OTOGL: variants seen among roughly 807,000 people sequenced by gnomAD.
OTOGL encodes otogelin like, also known as otogelin-like protein.
OTOGL carries 285 observed loss-of-function variants against 318.5 expected under a neutral mutation model. The observed-to-expected ratio is 0.89, with a 90% CI of 0.81 to 0.99. The LOEUF (loss-of-function observed/expected upper bound fraction) is 0.99. OTOGL is among the 50% of genes least tolerant of loss of function. The probability of loss-of-function intolerance (pLI) is 0.00; values close to 1 mark genes in which losing one functional copy is unlikely to be tolerated. For missense variants in OTOGL, 2,899 were observed against 2,845.6 expected (o/e 1.02, Z -0.43); for synonymous variants, 987 against 936.5 (o/e 1.05, Z -0.99).
intron 11 of OTOGL, among the ~76,000 whole-genome samples, chr12:80,241,992 C>T (rs1355421796): frequency 6.6e-6 from 1 of 152,108 alleles, no homozygotes; most frequent in Non-Finnish European, 1.5e-5. Flanking sequence ...AAGTTTCATG[C>T]ATGCTTCCAC....
At chr12:80,166,075 ATTTTCCT>A (rs1873809947) in intron 1 of OTOGL, among the ~76,000 whole-genome samples, 1 of 151,590 alleles carries the variant, frequency 6.6e-6, no homozygotes, top group African/African-American at 2.4e-5. Context: ...ATTTTCATAC[ATTTTCCT>A]TTTTGTTTGC....
chr12:80,156,457 G>A (rs1873123988), intron 1 of OTOGL, among the ~76,000 whole-genome samples: 1 of 152,080 alleles, frequency 6.6e-6, no homozygotes, highest in Admixed American at 6.6e-5. Context: ...AGAGAACCCT[G>A]ACTAATACAC....
At chr12:80,311,432 T>A (rs1886627850) in intron 30 of OTOGL, among the ~76,000 whole-genome samples, 1 of 152,210 alleles carries the variant, frequency 6.6e-6, no homozygotes, top group South Asian at 2.1e-4. Context: ...TTTCTTTCTT[T>A]CTTTTTATGA....
At chr12:80,275,821 G>A (rs562075386) in intron 24 of OTOGL, among the ~76,000 whole-genome samples, 1 of 151,532 alleles carries the variant, frequency 6.6e-6, no homozygotes, top group East Asian at 1.9e-4. Flanking sequence ...CTCCTTGAAG[G>A]CTCAGATGAT....
At chr12:80,377,725 C>A in intron 58 of OTOGL, 123 bp from the exon 59 acceptor site, 1 of 747,152 alleles carries the variant, frequency 1.3e-6, no homozygotes, top group Non-Finnish European at 2.2e-6. Flanking sequence ...TTGCAACATG[C>A]AGAAGCTTGA....
At chr12:80,284,375 A>G (rs940694624) in intron 26 of OTOGL, among the ~76,000 whole-genome samples, 3 of 152,028 alleles carry the variant, frequency 2.0e-5, no homozygotes, top group Non-Finnish European at 4.4e-5. Flanking sequence ...ATAATTTATA[A>G]ATCTTTGGGT....
intron 1 of OTOGL, among the ~76,000 whole-genome samples, chr12:80,108,941 TATATATATATATAC>T (rs1869662993): frequency 6.9e-6 from 1 of 144,254 alleles, no homozygotes; most frequent in South Asian, 2.1e-4. Flanking sequence ...TGTGTGTATA[TATATATATATATAC>T]ACACACACAT....
chr12:80,220,041 T>A, intron 6 of OTOGL, 129 bp downstream of exon 6: 1 of 693,184 alleles, frequency 1.4e-6, no homozygotes, highest in Non-Finnish European at 2.4e-6. Context: ...TCATTCTCAG[T>A]AATTTGATGT....
chr12:80,222,307 A>G (rs908145111), intron 7 of OTOGL, 62 bp downstream of exon 7: 21 of 1,412,776 alleles, frequency 1.5e-5, no homozygotes, highest in Non-Finnish European at 1.9e-5. Context: ...ATGTATTTTT[A>G]AAGTACTGGG....
chr12:80,303,750 T>C lies in OTOGL; in HGVS notation c.3213+967T>C, dbSNP rs148833098. On this transcript the variant is annotated intron_variant, in intron 28 of 58. Coordinates refer to ENST00000547103, the MANE Select transcript of OTOGL (RefSeq NM_001378609.3). ...CACACTTTTTAACCATCAGGTGTCATGAGAACTCCCTCACTATCACAAGAA... is the reference window on the plus strand; with the variant it reads ...CACACTTTTTAACCATCAGGTGTCACGAGAACTCCCTCACTATCACAAGAA... Among the ~76,000 whole-genome samples, 6 of 152,244 alleles carry C rather than the reference T, an allele frequency of 3.9e-5. No individual in the cohort carries two copies. In the East Asian group the frequency reaches 1.2e-3, roughly 29 times the overall value.
intron 26 of OTOGL, among the ~76,000 whole-genome samples, chr12:80,288,374 T>C (rs1021524571): frequency 1.3e-5 from 2 of 152,086 alleles, no homozygotes; most frequent in Admixed American, 6.5e-5. Context: ...GGATTATGTG[T>C]CTTGGGGTTA....
intron 24 of OTOGL, 100 bp downstream of exon 24, chr12:80,271,910 G>C (rs1883441092): frequency 2.1e-5 from 28 of 1,358,046 alleles, no homozygotes; most frequent in Non-Finnish European, 2.8e-5. Flanking sequence ...TTGTTGTTCT[G>C]ACTAGTGGTT....
chr12:80,126,024 TG>T (rs1207614891), intron 1 of OTOGL, among the ~76,000 whole-genome samples: 1 of 152,186 alleles, frequency 6.6e-6, no homozygotes, highest in Non-Finnish European at 1.5e-5. Context: ...AAGGGTTTTT[TG>T]TGTCCCTATT....
intron 35 of OTOGL, among the ~76,000 whole-genome samples, chr12:80,325,523 A>G (rs938681031): frequency 6.6e-6 from 1 of 152,220 alleles, no homozygotes; most frequent in Non-Finnish European, 1.5e-5. Context: ...ACAGTTTGTA[A>G]GCATTAGTGC....
At chr12:80,176,867 T>G (rs1037598307) in intron 1 of OTOGL, among the ~76,000 whole-genome samples, 82 of 152,198 alleles carry the variant, frequency 5.4e-4, no homozygotes, top group African/African-American at 1.9e-3. Context: ...ATAAGCACTG[T>G]GTGAAAATTC....
rs565636210 is a variant in OTOGL at position 80,147,046 on chromosome 12, C to G, written c.-20+47441C>G. ...ATTTTTTGAAGGGTTTTTTGTGTCTCTATTTCCTTCAGTTCTGCTCTGATT... is the reference window on the plus strand; with the variant it reads ...ATTTTTTGAAGGGTTTTTTGTGTCTGTATTTCCTTCAGTTCTGCTCTGATT... On this transcript the variant is annotated intron_variant, in intron 1 of 58. Coordinates refer to ENST00000547103, the MANE Select transcript of OTOGL (RefSeq NM_001378609.3). Among the ~76,000 whole-genome samples, 720 of 151,024 alleles carry G rather than the reference C, an allele frequency of 4.8e-3. 5 individuals carry two copies. Among genetic ancestry groups the G allele is most frequent in the African/African-American group, 0.017 (686 of 41,330 alleles).
chr12:80,107,361 A>C (rs1361723568), intron 1 of OTOGL, among the ~76,000 whole-genome samples: 1 of 152,236 alleles, frequency 6.6e-6, no homozygotes, highest in Non-Finnish European at 1.5e-5. Context: ...AATGCAAATC[A>C]AAACCACAAT....
chr12:80,269,998 A>G (rs1883280538), intron 22 of OTOGL, 104 bp from the exon 23 acceptor site: 1 of 929,012 alleles, frequency 1.1e-6, no homozygotes, highest in Non-Finnish European at 1.6e-6. Flanking sequence ...CATTTGTATA[A>G]TGTACTCAAT....
intron 1 of OTOGL, among the ~76,000 whole-genome samples, chr12:80,159,820 A>G (rs1263334492): frequency 2.6e-5 from 4 of 152,042 alleles, no homozygotes; most frequent in African/African-American, 9.7e-5. Context: ...GAACAAATCT[A>G]CAGACATCAC....
Sources: gnomAD v4.1 joint callset for allele counts (sites outside exome capture counted in the v4.1 genomes callset) on GRCh38, gnomAD v4.1.1 for gene constraint, MANE v1.5 for transcripts, NCBI Gene and HGNC (gene_info 2026-07-23, HGNC 2026-07-21) for gene names.